Variants in INTS2 observed in about 807,000 individuals in gnomAD.
The protein encoded by INTS2 is integrator complex subunit 2, also known as KIAA1287.
A neutral mutation model predicts 139.6 loss-of-function variants in INTS2; 57 were observed. That is an observed-to-expected ratio of 0.41 (90% confidence interval 0.33 to 0.51). INTS2 has a LOEUF of 0.51. Ranked by LOEUF, INTS2 falls within the 20% of genes least tolerant of loss-of-function variation. The probability of loss-of-function intolerance (pLI) is 0.28; values close to 1 mark genes in which losing one functional copy is unlikely to be tolerated. For missense variants in INTS2, 1,196 were observed against 1,436.7 expected, an observed-to-expected ratio of 0.83 and a Z score of 2.71; for synonymous variants, 473 against 493.4, an observed-to-expected ratio of 0.96 and a Z score of 0.55.
At position 61,869,472 on chromosome 17, in the gene INTS2, G is replaced by C. The variant is rs921565594; in HGVS notation, c.3031-92C>G. The C allele has an allele frequency of 1.9e-6, 2 of 1,058,090 alleles. No homozygotes were observed. The highest frequency in any genetic ancestry group is 3.2e-5 in the African/African-American group (2 of 62,360). 65.5% of individuals were successfully genotyped at this position (1,058,090 alleles called of 1,614,324 possible). A position where few individuals can be genotyped will look rare whatever the true frequency, so the allele number is the denominator to read the frequency against. On this transcript the variant is annotated intron_variant, in intron 21 of 24. Coordinates refer to ENST00000251334, the MANE Select transcript of INTS2 (RefSeq NM_001351695.2). This position sits in a 1 kb window ranked among gnomAD's most constrained non-coding sequence, Gnocchi z 5.4. ...AAATGAAAGATTTCATTTCCTTTCT[G>C]TAAAAATTGCTCAGAAGGCTATAGT...
chr17:61,927,968 C>T lies in INTS2; in HGVS notation c.-333G>A, dbSNP rs2143208971. The stretch of plus-strand genomic sequence containing the variant: ...ATCCCCAGCGTCTGACTCCCGTCGG[C>T]CACCGTACTGGTCTGAGAGGAAGGG... On this transcript the variant is annotated 5_prime_UTR_variant, in exon 1 of 25. Coordinates refer to ENST00000251334, the MANE Select transcript of INTS2 (RefSeq NM_001351695.2). 1.2e-6 allele frequency: 2 copies of T among 1,613,844 alleles called. No individual in the cohort carries two copies. Among genetic ancestry groups the T allele is most frequent in the East Asian group, 2.2e-5 (1 of 44,878 alleles).
At position 61,871,392 on chromosome 17, in the gene INTS2, G is replaced by T. The variant is rs567789805; in HGVS notation, c.2778+873C>A. 5.3e-4 allele frequency among the ~76,000 whole-genome samples: 80 copies of T among 152,242 alleles called. No individual in the cohort carries two copies. Among genetic ancestry groups the T allele is most frequent in the African/African-American group, 1.7e-3 (70 of 41,532 alleles). On this transcript the variant is annotated intron_variant, in intron 20 of 24. Coordinates refer to ENST00000251334, the MANE Select transcript of INTS2 (RefSeq NM_001351695.2). This position sits in a 1 kb window ranked among gnomAD's most constrained non-coding sequence, Gnocchi z 4.9. ...CCACCTCAGCCACCCAAAGTGCTGG[G>T]ATTATAGGCATGAGCAACCATGCCT...
chr17:61,921,937 A>G, intron 3 of INTS2, 110 bp from the exon 4 acceptor site: 1 of 589,184 alleles, frequency 1.7e-6, no homozygotes, highest in Non-Finnish European at 3.0e-6. Flanking sequence ...ATGTATCACT[A>G]ATATACCACA....
intron 14 of INTS2, among the ~76,000 whole-genome samples, chr17:61,890,711 C>T (rs2079282687): frequency 6.6e-6 from 1 of 150,698 alleles, no homozygotes; most frequent in Non-Finnish European, 1.5e-5. Flanking sequence ...CCACACAGTA[C>T]TTGATCAAAT....
intron 16 of INTS2, among the ~76,000 whole-genome samples, chr17:61,883,425 A>G (rs920099121): frequency 6.6e-6 from 1 of 151,938 alleles, no homozygotes. Context: ...TGAGCAATGA[A>G]GGCTCATGTT....
chr17:61,878,155 T>C (rs2079143054), intron 17 of INTS2, 67 bp from the exon 18 acceptor site: 3 of 965,782 alleles, frequency 3.1e-6, no homozygotes, highest in Admixed American at 1.8e-5. Context: ...AGTAGTAGTG[T>C]TCTCTCAGAC....
At chr17:61,903,442 C>G (rs994767956) in intron 9 of INTS2, among the ~76,000 whole-genome samples, 3 of 151,492 alleles carry the variant, frequency 2.0e-5, no homozygotes, top group Non-Finnish European at 2.9e-5. Context: ...AGGTCAATCC[C>G]AGGATGAGAG....
At chr17:61,907,893 T>C (rs1158420909) in intron 7 of INTS2, among the ~76,000 whole-genome samples, 3 of 152,144 alleles carry the variant, frequency 2.0e-5, no homozygotes, top group Non-Finnish European at 4.4e-5. Context: ...GGAATATTAT[T>C]TCAATGGTAC....
chr17:61,897,601 G>C lies in INTS2; in HGVS notation c.1380-18C>G, dbSNP rs2079362427. On this transcript the variant is annotated intron_variant, in intron 10 of 24. Coordinates refer to ENST00000251334, the MANE Select transcript of INTS2 (RefSeq NM_001351695.2). The surrounding 1 kb of genome is among the most constrained non-coding windows in gnomAD (Gnocchi z 4.4). ...CTGAAGTACTGTCAAAACAAAATAG[G>C]AAATATGAATTTTCCAAAGAGAGAA... 1.3e-6 allele frequency: 2 copies of C among 1,586,374 alleles called. No homozygotes were observed. The highest frequency in any genetic ancestry group is 1.7e-6 in the Non-Finnish European group (2 of 1,163,458).
chr17:61,914,528 TTA>T (rs2079558408), intron 5 of INTS2, among the ~76,000 whole-genome samples: 6 of 151,972 alleles, frequency 3.9e-5, no homozygotes, highest in Non-Finnish European at 5.9e-5. Flanking sequence ...TGAAACCGTG[TTA>T]CTACTAAAAA....
chr17:61,891,652 G>T lies in INTS2; in HGVS notation c.1736C>A (p.Pro579Gln). 6.2e-7 allele frequency: 1 copy of T among 1,612,732 alleles called. No homozygotes were observed. The highest frequency in any genetic ancestry group is 1.1e-5 in the South Asian group (1 of 91,006). The stretch of plus-strand genomic sequence containing the variant: ...CAAAGGAAGTAATTGAGGATGAAGT[G>T]GAGTAGAGGTTTCACACAGCTGTCT... Reference protein sequence around the residue: ...IYRQLCETSTPLHPQLLPLID... With the variant: ...IYRQLCETSTQLHPQLLPLID... The change falls in exon 14 of 25, where the codon CCA becomes CAA. Residue 579 changes from proline to glutamine, a missense_variant. Transcript: ENST00000251334.
rs2079211763 is a variant in INTS2 at position 61,884,921 on chromosome 17, C to T, written c.2069G>A (p.Gly690Glu). ...PIKFLIRQAQ[G>E]LQQELGGLHS... ...CATACCTCCCAACTCCTGCTGCAGC[C>T]CTTGAGCCTGTCGAATAAGGAATTT... The change falls in exon 16 of 25, where the codon GGG (glycine) becomes GAG (glutamate). Residue 690 changes from glycine (G) to glutamate (E), a missense_variant. Physicochemically the swap from Gly to Glu is moderately conservative, Grantham distance 98. This residue lies in a region of INTS2 where 1,129 missense variants were observed against 1,341.9 expected (regional missense o/e 0.84). Transcript: ENST00000251334. 6.2e-7 allele frequency: 1 copy of T among 1,606,194 alleles called. No homozygotes were observed. Among genetic ancestry groups the T allele is most frequent in the Non-Finnish European group, 8.5e-7 (1 of 1,175,504 alleles).
rs774995341 is a variant in INTS2 at position 61,924,990 on chromosome 17, G to A, written c.403C>T (p.Leu135Phe). 7 of 1,613,022 alleles carry A rather than the reference G, an allele frequency of 4.3e-6. No individual in the cohort carries two copies. Among genetic ancestry groups the A allele is most frequent in the Non-Finnish European group, 5.9e-6 (7 of 1,179,502 alleles). Residue 135 changes from leucine (L) to phenylalanine (F), a missense_variant, in exon 3 of 25, where the codon CTT (leucine) becomes TTT (phenylalanine). Physicochemically the swap from Leu to Phe is conservative, Grantham distance 22. Transcript: ENST00000251334. Reference protein sequence around the residue: ...SDSPRRLRLVLSELLAIMNKV... With the variant: ...SDSPRRLRLVFSELLAIMNKV... ...TTCATAATTGCCAACAGTTCACTAAGCACAAGACGCAATCGACGAGGTGAA... is the reference window on the plus strand; with the variant it reads ...TTCATAATTGCCAACAGTTCACTAAACACAAGACGCAATCGACGAGGTGAA...
rs1205419110 is a variant in INTS2, at chr17:61,897,399, TTACAC to T, written c.1494+65_1494+69del. ...AATTACTTAAATGAAAACAATCTAT[TTACAC>T]TACAACAAAATGTCCAGCTTAGAAA... is the stretch of plus-strand genomic sequence containing the variant. On this transcript the variant is annotated intron_variant, in intron 11 of 24. Transcript: ENST00000251334. The surrounding 1 kb of genome is among the most constrained non-coding windows in gnomAD (Gnocchi z 4.4). 3 of 876,480 alleles carry T rather than the reference TTACAC, an allele frequency of 3.4e-6. No homozygotes were observed. Among genetic ancestry groups the T allele is most frequent in the Non-Finnish European group, 5.3e-6 (3 of 570,158 alleles). The allele number at this position is 876,480 out of a possible 1,614,324, so 54.3% of individuals were successfully genotyped here.
In INTS2 at chr17:61,875,710, A is replaced by C. The variant is rs767574518; in HGVS notation, c.2457-672T>G. On this transcript the variant is annotated intron_variant, in intron 18 of 24. Coordinates refer to ENST00000251334, the MANE Select transcript of INTS2 (RefSeq NM_001351695.2). The surrounding 1 kb of genome is among the most constrained non-coding windows in gnomAD (Gnocchi z 4.6). ...GAAAGCTTTTACTTTGAAAAAGATT[A>C]AAATATACAAACAGAAAAAAAGGAA... 1.3e-5 allele frequency among the ~76,000 whole-genome samples: 2 copies of C among 152,196 alleles called. No individual in the cohort carries two copies. The highest frequency in any genetic ancestry group is 2.9e-5 in the Non-Finnish European group (2 of 68,036).
intron 7 of INTS2, among the ~76,000 whole-genome samples, chr17:61,908,235 T>C (rs2079486468): frequency 6.6e-6 from 1 of 152,080 alleles, no homozygotes; most frequent in Admixed American, 6.6e-5. Context: ...GCCAACATGG[T>C]GAAACCCCAT....
At chr17:61,877,823 A>G (rs1406674579) in intron 18 of INTS2, 64 bp downstream of exon 18, 1 of 1,327,496 alleles carries the variant, frequency 7.5e-7, no homozygotes, top group Non-Finnish European at 1.1e-6. Flanking sequence ...AATTAAATTT[A>G]GGTTATTGTA....
chr17:61,906,254 G>A (rs2079461616), intron 8 of INTS2, among the ~76,000 whole-genome samples: 1 of 152,146 alleles, frequency 6.6e-6, no homozygotes, highest in Non-Finnish European at 1.5e-5. Context: ...ATTTCTGTTA[G>A]GGATGCTAAA....
At chr17:61,880,204 C>T (rs1447211541) in intron 17 of INTS2, among the ~76,000 whole-genome samples, 1 of 152,008 alleles carries the variant, frequency 6.6e-6, no homozygotes, top group Non-Finnish European at 1.5e-5. Context: ...CGACCACGCC[C>T]GGCTAATTTT....
Sources: gnomAD v4.1 joint callset for allele counts (sites outside exome capture counted in the v4.1 genomes callset) on GRCh38, gnomAD v4.1.1 for gene constraint, gnomAD v4.1.1 regional missense constraint, Gnocchi (gnomAD v3.1) non-coding constraint, MANE v1.5 for transcripts, NCBI Gene and HGNC (gene_info 2026-07-23, HGNC 2026-07-21) for gene names.